Variants in THSD4 observed in about 807,000 individuals in gnomAD.
THSD4 encodes thrombospondin type 1 domain containing 4.
In THSD4, 69 loss-of-function variants were observed where a neutral mutation model predicts 119.0. That is an observed-to-expected ratio of 0.58 (90% CI 0.48 to 0.71). THSD4 has a LOEUF of 0.71. THSD4 is among the 30% of genes least tolerant of loss of function. The pLI is 0.00. For synonymous variants in THSD4, 524 were observed against 540.4 expected, an observed-to-expected ratio of 0.97 and a Z score of 0.42; for missense variants, 1,393 against 1,391.1, an observed-to-expected ratio of 1.00 and a Z score of -0.02.
At chr15:71,712,642 A>G (rs1297523562) in intron 8 of THSD4, among the ~76,000 whole-genome samples, 2 of 152,232 alleles carry the variant, frequency 1.3e-5, no homozygotes, top group Non-Finnish European at 1.5e-5. Flanking sequence ...TATCAATACA[A>G]TTGATAAGCC....
chr15:71,256,668 A>G lies in THSD4; in HGVS notation c.968A>G (p.Asn323Ser), dbSNP rs1420998209. The change falls in exon 6 of 18, where the codon AAC becomes AGC. Residue 323 changes from asparagine (N) to serine (S), a missense_variant. Transcript: ENST00000261862. ...IREVQCASYN[N>S]KPFMGRFYEW... ...GAGGTACAGTGTGCATCCTACAACAACAAGCCATTCATGGGCCGGTTTTAT... is the reference window on the plus strand; with the variant it reads ...GAGGTACAGTGTGCATCCTACAACAGCAAGCCATTCATGGGCCGGTTTTAT... 1.9e-6 allele frequency: 3 copies of G among 1,614,106 alleles called. No individual in the cohort carries two copies. The highest frequency in any genetic ancestry group is 1.7e-6 in the Non-Finnish European group (2 of 1,179,984).
chr15:71,690,827 A>T (rs576326463), intron 8 of THSD4, among the ~76,000 whole-genome samples: 2 of 152,328 alleles, frequency 1.3e-5, no homozygotes, highest in Admixed American at 1.3e-4. Flanking sequence ...ACAGCATGGC[A>T]AAGACCTGCC....
chr15:71,633,079 G>A (rs775057281), intron 7 of THSD4, among the ~76,000 whole-genome samples: 1 of 152,108 alleles, frequency 6.6e-6, no homozygotes, highest in African/African-American at 2.4e-5. Context: ...CAAAAAGGAA[G>A]GCATTTAGGC....
At chr15:71,610,953 A>T (rs2050212982) in intron 7 of THSD4, among the ~76,000 whole-genome samples, 4 of 151,476 alleles carry the variant, frequency 2.6e-5, no homozygotes, top group Non-Finnish European at 5.9e-5. Flanking sequence ...ATGTGTGCAT[A>T]TGTGTATGGA....
At chr15:71,413,199 G>A (rs1361916798) in intron 7 of THSD4, among the ~76,000 whole-genome samples, 1 of 152,136 alleles carries the variant, frequency 6.6e-6, no homozygotes, top group Non-Finnish European at 1.5e-5. Flanking sequence ...TTTTAATACA[G>A]ACGGGGTTTC....
At chr15:71,543,282 G>A (rs575660086) in intron 7 of THSD4, among the ~76,000 whole-genome samples, 10 of 152,268 alleles carry the variant, frequency 6.6e-5, no homozygotes, top group Non-Finnish European at 1.3e-4. Flanking sequence ...AAAATCAGGA[G>A]AGTGACATGA....
intron 7 of THSD4, among the ~76,000 whole-genome samples, chr15:71,541,169 A>G (rs1567027560): frequency 6.6e-6 from 1 of 152,248 alleles, no homozygotes. Context: ...AGTGAAATTA[A>G]TTTTAATACT....
At chr15:71,346,974 A>G (rs570950609) in intron 6 of THSD4, among the ~76,000 whole-genome samples, 2 of 145,884 alleles carry the variant, frequency 1.4e-5, no homozygotes, top group Non-Finnish European at 3.0e-5. Flanking sequence ...CCTGGGTTCA[A>G]GCAATTCTCC....
chr15:71,677,195 T>A, intron 8 of THSD4, among the ~76,000 whole-genome samples: 2 of 152,342 alleles, frequency 1.3e-5, no homozygotes, highest in Middle Eastern at 6.8e-3. Flanking sequence ...CGCTGGGCTT[T>A]GTTACCTGCT....
intron 4 of THSD4, among the ~76,000 whole-genome samples, chr15:71,240,830 CACACACACAT>C (rs1374586436): frequency 2.0e-5 from 3 of 149,078 alleles, no homozygotes; most frequent in African/African-American, 7.4e-5. Flanking sequence ...CACACACACA[CACACACACAT>C]ATATACATAT....
chr15:71,303,184 G>A (rs1038436428), intron 6 of THSD4, among the ~76,000 whole-genome samples: 2 of 151,934 alleles, frequency 1.3e-5, no homozygotes, highest in African/African-American at 4.9e-5. Context: ...AGTGATTCTG[G>A]CAGCCAGCAC....
At chr15:71,239,728 G>A (rs4777346) in intron 4 of THSD4, among the ~76,000 whole-genome samples, 41,730 of 152,012 alleles carry the variant, frequency 0.27, 6,535 homozygotes, top group South Asian at 0.41. Flanking sequence ...AGATCGCCTC[G>A]CCACATCTGT....
chr15:71,387,637 T>C (rs140154745), intron 6 of THSD4, among the ~76,000 whole-genome samples: 2 of 152,338 alleles, frequency 1.3e-5, no homozygotes, highest in African/African-American at 4.8e-5. Context: ...GTACCAGTCA[T>C]ATGAAGATAC....
At chr15:71,499,415 T>G (rs2048076789) in intron 7 of THSD4, among the ~76,000 whole-genome samples, 1 of 152,114 alleles carries the variant, frequency 6.6e-6, no homozygotes, top group Non-Finnish European at 1.5e-5. Flanking sequence ...GTACTATATT[T>G]TCCATACACT....
At chr15:71,308,847 A>G (rs2045071241) in intron 6 of THSD4, among the ~76,000 whole-genome samples, 1 of 152,208 alleles carries the variant, frequency 6.6e-6, no homozygotes, top group African/African-American at 2.4e-5. Flanking sequence ...AGCATTTTAC[A>G]TTTCCACCAG....
At chr15:71,332,388 A>C (rs1219177167) in intron 6 of THSD4, among the ~76,000 whole-genome samples, 2 of 152,220 alleles carry the variant, frequency 1.3e-5, no homozygotes, top group East Asian at 3.8e-4. Context: ...TCTTACTTAA[A>C]GGATGATGTA....
At chr15:71,516,653 G>T in intron 7 of THSD4, among the ~76,000 whole-genome samples, 1 of 151,992 alleles carries the variant, frequency 6.6e-6, no homozygotes, top group Non-Finnish European at 1.5e-5. Flanking sequence ...CCACATCTGT[G>T]TGCCACCTGT....
chr15:71,597,987 A>G (rs537781697), intron 7 of THSD4, among the ~76,000 whole-genome samples: 1 of 152,244 alleles, frequency 6.6e-6, no homozygotes, highest in East Asian at 1.9e-4. Context: ...GCTGGGCCCT[A>G]GGATCACCCA....
chr15:71,519,711 G>A (rs1374703961), intron 7 of THSD4, among the ~76,000 whole-genome samples: 2 of 152,198 alleles, frequency 1.3e-5, no homozygotes, highest in Non-Finnish European at 2.9e-5. Context: ...GGAACAGAGT[G>A]TACAGTAGCA....
Sources: gnomAD v4.1 joint callset for allele counts (sites outside exome capture counted in the v4.1 genomes callset) on GRCh38, gnomAD v4.1.1 for gene constraint, MANE v1.5 for transcripts, NCBI Gene and HGNC (gene_info 2026-07-23, HGNC 2026-07-21) for gene names.